COL5A2: variants seen among roughly 807,000 people sequenced by gnomAD.
COL5A2 encodes the protein collagen type V alpha 2 chain, also known as collagen alpha-2(V) chain.
Under a neutral mutation model 208.2 loss-of-function variants are expected in COL5A2, and 23 were observed. The observed-to-expected ratio is 0.11, with a 90% CI of 0.08 to 0.16. COL5A2 has a LOEUF of 0.16. Ranked by LOEUF, COL5A2 falls within the 10% of genes least tolerant of loss-of-function variation. COL5A2 has a pLI of 1.00. For missense variants in COL5A2, 1,590 were observed against 1,956.4 expected (o/e 0.81, Z 3.53); for synonymous variants, 625 against 628.5 (o/e 0.99, Z 0.08).
intron 5 of COL5A2, among the ~76,000 whole-genome samples, chr2:189,098,252 A>T (rs556308076): frequency 6.6e-6 from 1 of 152,362 alleles, no homozygotes; most frequent in African/African-American, 2.4e-5. Context: ...GTGTGTGTAT[A>T]TGTTATGAAT....
At chr2:189,185,020 A>T (rs1386619489) in intron 1 of COL5A2, among the ~76,000 whole-genome samples, 1 of 152,048 alleles carries the variant, frequency 6.6e-6, no homozygotes, top group Non-Finnish European at 1.5e-5. Flanking sequence ...GCATACTCTA[A>T]TATGCTACTT....
At chr2:189,133,371 G>A (rs867038495) in intron 1 of COL5A2, among the ~76,000 whole-genome samples, 26 of 151,666 alleles carry the variant, frequency 1.7e-4, no homozygotes, top group Admixed American at 6.6e-5. Flanking sequence ...CACCCACCGC[G>A]GCCCCCCAAC....
intron 6 of COL5A2, among the ~76,000 whole-genome samples, chr2:189,095,287 T>G (rs761728789): frequency 6.6e-6 from 1 of 152,146 alleles, no homozygotes; most frequent in African/African-American, 2.4e-5. Context: ...TCATTTCATA[T>G]ACATCATTTC....
At chr2:189,285,576 G>A in the COL5A2 span, among the ~76,000 whole-genome samples, 1 of 152,112 alleles carries the variant, frequency 6.6e-6, no homozygotes, top group African/African-American at 2.4e-5. Context: ...CTGATTTCCA[G>A]AAGGTCACAT....
At chr2:189,157,618 A>G (rs1688280216) in intron 1 of COL5A2, among the ~76,000 whole-genome samples, 1 of 152,004 alleles carries the variant, frequency 6.6e-6, no homozygotes, top group Non-Finnish European at 1.5e-5. Flanking sequence ...TTTTTCCCAC[A>G]TACCAGTAAA....
chr2:189,311,091 C>T, the COL5A2 span, among the ~76,000 whole-genome samples: 1 of 152,084 alleles, frequency 6.6e-6, no homozygotes, highest in South Asian at 2.1e-4. Context: ...CAGCCTCATT[C>T]CTAGGGAATT....
the COL5A2 span, among the ~76,000 whole-genome samples, chr2:189,384,896 T>C: frequency 6.6e-6 from 1 of 152,142 alleles, no homozygotes; most frequent in East Asian, 1.9e-4. Flanking sequence ...ATTTCCCTAT[T>C]CTTTATCATT....
the COL5A2 span, among the ~76,000 whole-genome samples, chr2:189,230,817 T>C: frequency 6.6e-6 from 1 of 151,946 alleles, no homozygotes; most frequent in Non-Finnish European, 1.5e-5. Flanking sequence ...AGCTACCATA[T>C]GATCCAGTCA....
chr2:189,182,913 G>C (rs1688801342), upstream of COL5A2, among the ~76,000 whole-genome samples: 1 of 152,070 alleles, frequency 6.6e-6, no homozygotes, highest in African/African-American at 2.4e-5. Context: ...ATGTTACTCT[G>C]TCAGTGTCTC....
chr2:189,246,018 T>C, the COL5A2 span, among the ~76,000 whole-genome samples: 1 of 152,194 alleles, frequency 6.6e-6, no homozygotes, highest in Non-Finnish European at 1.5e-5. Context: ...TTTGTTGACA[T>C]TGTCAATTTT....
chr2:189,042,128 C>T (rs1685574241), intron 49 of COL5A2, among the ~76,000 whole-genome samples: 2 of 152,076 alleles, frequency 1.3e-5, no homozygotes, highest in Non-Finnish European at 2.9e-5. Flanking sequence ...TTCAGATATA[C>T]CAAGATTCTT....
In COL5A2 at chr2:189,094,401, A is replaced by G. The variant is rs146656942; in HGVS notation, c.457-1981T>C. On this transcript the variant is annotated intron_variant, in intron 6 of 53. Transcript: ENST00000374866. ...TAATTCTTATATTAAGGTAAATGTT[A>G]CATTTATTATCATTCCCTTCCATTT... 8.4e-3 allele frequency among the ~76,000 whole-genome samples: 1,276 copies of G among 152,016 alleles called. 33 individuals carry two copies. Among genetic ancestry groups the G allele is most frequent in the Admixed American group, 0.05 (757 of 15,258 alleles).
the COL5A2 span, among the ~76,000 whole-genome samples, chr2:189,352,228 T>G: frequency 1.3e-5 from 2 of 152,174 alleles, no homozygotes; most frequent in Admixed American, 1.3e-4. Flanking sequence ...TGGTTCCAAG[T>G]CTTTGCTATT....
At chr2:189,098,805 T>C in intron 4 of COL5A2, 46 bp from the exon 5 acceptor site, 1 of 1,452,750 alleles carries the variant, frequency 6.9e-7, no homozygotes, top group Non-Finnish European at 9.7e-7. Context: ...TTTCTGCAGA[T>C]ATTCAGAGAG....
At chr2:189,328,546 G>A in the COL5A2 span, among the ~76,000 whole-genome samples, 1 of 152,304 alleles carries the variant, frequency 6.6e-6, no homozygotes, top group East Asian at 1.9e-4. Context: ...CCCCTTCCAT[G>A]TGTAAATAGA....
the COL5A2 span, among the ~76,000 whole-genome samples, chr2:189,245,176 G>A: frequency 1.3e-5 from 2 of 152,102 alleles, no homozygotes; most frequent in Non-Finnish European, 2.9e-5. Context: ...TGACAATAAT[G>A]TTTCTTATAA....
At chr2:189,047,774 C>G (rs1050785962) in intron 45 of COL5A2, among the ~76,000 whole-genome samples, 4 of 152,184 alleles carry the variant, frequency 2.6e-5, no homozygotes, top group African/African-American at 9.6e-5. Context: ...TCAGCACATT[C>G]TAATTTAAAA....
At chr2:189,434,026 A>G in the COL5A2 span, among the ~76,000 whole-genome samples, 1 of 152,234 alleles carries the variant, frequency 6.6e-6, no homozygotes, top group Non-Finnish European at 1.5e-5. Flanking sequence ...GGCTGGTTCA[A>G]CATACACAAA....
At chr2:189,319,030 A>G in the COL5A2 span, among the ~76,000 whole-genome samples, 1 of 152,204 alleles carries the variant, frequency 6.6e-6, no homozygotes, top group African/African-American at 2.4e-5. Flanking sequence ...GGCTCAACAT[A>G]ACAGCTGCCA....
Sources: gnomAD v4.1 joint callset for allele counts (sites outside exome capture counted in the v4.1 genomes callset) on GRCh38, gnomAD v4.1.1 for gene constraint, MANE v1.5 for transcripts, NCBI Gene and HGNC (gene_info 2026-07-23, HGNC 2026-07-21) for gene names.